The following CASZ1 variants were observed in gnomAD, a reference collection of about 807,000 sequenced individuals.
CASZ1 encodes the protein zinc finger protein castor homolog 1.
CASZ1 carries 28 observed loss-of-function variants against 135.2 expected under a neutral mutation model. That is an observed-to-expected ratio of 0.21 (90% CI 0.15 to 0.28). The LOEUF (loss-of-function observed/expected upper bound fraction) is 0.28. CASZ1 is among the 10% of genes least tolerant of loss of function. The probability of loss-of-function intolerance (pLI) is 1.00; values close to 1 mark genes in which losing one functional copy is unlikely to be tolerated. For synonymous variants in CASZ1, 1,068 were observed against 1,073.4 expected, an observed-to-expected ratio of 0.99 and a Z score of 0.10; for missense variants, 2,161 against 2,453.3, an observed-to-expected ratio of 0.88 and a Z score of 2.52.
At chr1:10,718,866 T>C (rs142973739) in intron 2 of CASZ1, among the ~76,000 whole-genome samples, 68 of 151,476 alleles carry the variant, frequency 4.5e-4, no homozygotes, top group African/African-American at 1.7e-3. Flanking sequence ...CTCTTTCTTT[T>C]TCTTTTCTTT....
In CASZ1 at chr1:10,719,710, G is replaced by A. The variant is rs529303532; in HGVS notation, c.-76-14166C>T. Among the ~76,000 whole-genome samples the A allele has an allele frequency of 1.1e-3, 168 of 152,328 alleles. No individual in the cohort carries two copies. Among genetic ancestry groups the A allele is most frequent in the African/African-American group, 3.9e-3 (164 of 41,562 alleles). On this transcript the variant is annotated intron_variant, in intron 2 of 20. Transcript: ENST00000377022. This position sits in a 1 kb window ranked among gnomAD's most constrained non-coding sequence, Gnocchi z 4.0. ...CTGAAGCCCGTGGGTCCCAGAGCCT[G>A]GCACAGTGAGAGAAGAGGCAGCAGG...
intron 20 of CASZ1, among the ~76,000 whole-genome samples, chr1:10,641,483 T>A (rs1298476700): frequency 6.7e-6 from 1 of 148,842 alleles, no homozygotes; most frequent in African/African-American, 2.5e-5. Context: ...GATATGGGGG[T>A]GGGATGGGAG....
intron 4 of CASZ1, among the ~76,000 whole-genome samples, chr1:10,688,616 G>A (rs533654967): frequency 1.6e-4 from 24 of 152,278 alleles, no homozygotes; most frequent in Non-Finnish European, 2.8e-4. Flanking sequence ...GCCAACACAG[G>A]GGCCCGGGCA....
rs1238169632 is a variant in CASZ1 at position 10,717,982 on chromosome 1, G to A, written c.-76-12438C>T. ...TGCAGGGACGGGCCGAGGGGGCTAC[G>A]GAGGCCCATTCAACACTGGGCAGAC... On this transcript the variant is annotated intron_variant, in intron 2 of 20. Coordinates refer to ENST00000377022, the MANE Select transcript of CASZ1 (RefSeq NM_001079843.3). The surrounding 1 kb of genome is among the most constrained non-coding windows in gnomAD (Gnocchi z 4.6). 2.0e-5 allele frequency among the ~76,000 whole-genome samples: 3 copies of A among 152,240 alleles called. No individual in the cohort carries two copies. Among genetic ancestry groups the A allele is most frequent in the East Asian group, 1.9e-4 (1 of 5,198 alleles).
Position 10,721,428 on chromosome 1 carries a change from G to C in CASZ1, c.-76-15884C>G, listed in dbSNP as rs185631376. Among the ~76,000 whole-genome samples, 3 of 152,266 alleles carry C rather than the reference G, an allele frequency of 2.0e-5. No individual in the cohort carries two copies. Among genetic ancestry groups the C allele is most frequent in the East Asian group, 3.9e-4 (2 of 5,182 alleles). ...GGATTTATTTGTGACATTCTGTCTGGGTGAGAGAAAACAAAAAAGGCCTGT... is the reference window on the plus strand; with the variant it reads ...GGATTTATTTGTGACATTCTGTCTGCGTGAGAGAAAACAAAAAAGGCCTGT... On this transcript the variant is annotated intron_variant, in intron 2 of 20. Coordinates refer to ENST00000377022, the MANE Select transcript of CASZ1 (RefSeq NM_001079843.3). The surrounding 1 kb of genome is among the most constrained non-coding windows in gnomAD (Gnocchi z 5.4).
rs761311758 is a variant in CASZ1, at chr1:10,642,958, C to A, written c.4063G>T (p.Asp1355Tyr). ...LMDAETDECM[D>Y]YTGCSPGAMS... ...GCGCCTGGGCTGCAGCCAGTGTAGT[C>A]CATGCACTCATCTGTCTCAGCATCC... The change falls in exon 20 of 21, where the codon GAC (aspartate) becomes TAC (tyrosine). Residue 1355 changes from aspartate to tyrosine, a missense_variant. By Grantham distance (160) the Asp-to-Tyr change is radical. Around this residue, in one of 7 missense-constraint regions of CASZ1, gnomAD observed 143 missense variants for 128.3 expected, o/e 1.11. Transcript: ENST00000377022. 8 of 1,613,000 alleles carry A rather than the reference C, an allele frequency of 5.0e-6. No individual in the cohort carries two copies. The highest frequency in any genetic ancestry group is 1.3e-5 in the African/African-American group (1 of 74,946).
In CASZ1 at chr1:10,636,691, T is replaced by C. The variant is rs1487553529; in HGVS notation, c.*2251A>G. On this transcript the variant is annotated 3_prime_UTR_variant, in exon 21 of 21. Transcript: ENST00000377022. ...AAAAAAATCAAATAAATAAAACACA[T>C]ATATTAAATTTCTAATAGCACTAAA... is the stretch of plus-strand genomic sequence containing the variant. The C allele has an allele frequency of 6.7e-6, 1 of 149,400 alleles. No homozygotes were observed. The highest frequency in any genetic ancestry group is 1.5e-5 in the Non-Finnish European group (1 of 67,506). The allele number at this position is 149,400 out of a possible 1,614,324, so 9.3% of individuals were successfully genotyped here. A position where few individuals can be genotyped will look rare whatever the true frequency, so the allele number is the denominator to read the frequency against.
chr1:10,740,753 A>G (rs1343928468), intron 2 of CASZ1, among the ~76,000 whole-genome samples: 1 of 152,198 alleles, frequency 6.6e-6, no homozygotes, highest in Non-Finnish European at 1.5e-5. Flanking sequence ...GTTCAAGACC[A>G]GCCTGGGCAA....
chr1:10,678,292 C>T (rs1025774438), intron 4 of CASZ1, among the ~76,000 whole-genome samples: 1 of 152,182 alleles, frequency 6.6e-6, no homozygotes, highest in South Asian at 2.1e-4. Context: ...ATTTTTAAAA[C>T]GGTGGCCCTG....
At chr1:10,745,787 G>A (rs1640028810) in intron 2 of CASZ1, among the ~76,000 whole-genome samples, 1 of 152,170 alleles carries the variant, frequency 6.6e-6, no homozygotes, top group Non-Finnish European at 1.5e-5. Flanking sequence ...GGCCCTACGG[G>A]TCTAGAAGAT....
At position 10,653,558 on chromosome 1, in the gene CASZ1, G is replaced by A. The variant is rs1050323301; in HGVS notation, c.2499C>T (p.Thr833=). 9 of 1,582,606 alleles carry A rather than the reference G, an allele frequency of 5.7e-6. No individual in the cohort carries two copies. Among genetic ancestry groups the A allele is most frequent in the Non-Finnish European group, 7.7e-6 (9 of 1,162,210 alleles). ...AVSSGSAASA[T]PDTPTLVASG... is the part of the protein sequence containing the mutation. ...AGGCGACCAGCGTGGGTGTGTCAGG[G>A]GTGGCTGAGGCTGCTGACCCAGACG... Residue 833 remains threonine, a synonymous_variant, in exon 11 of 21, where the codon ACC becomes ACT. Coordinates refer to ENST00000377022, the MANE Select transcript of CASZ1 (RefSeq NM_001079843.3).
intron 11 of CASZ1, 121 bp from the exon 12 acceptor site, chr1:10,651,197 G>GGGAGAAGCGCTGAC: frequency 8.5e-6 from 6 of 709,282 alleles, no homozygotes; most frequent in Non-Finnish European, 1.3e-5. Context: ...ACTGGTCAGC[G>GGGAGAAGCGCTGAC]CTTCTCCCGC....
rs146467781 is a variant in CASZ1, at chr1:10,660,905, C to T, written c.506-369G>A. The T allele has an allele frequency of 2.7e-3, 696 of 254,450 alleles. 8 individuals carry two copies. Among genetic ancestry groups the T allele is most frequent in the African/African-American group, 0.015 (656 of 44,046 alleles). 15.8% of individuals were successfully genotyped at this position (254,450 alleles called of 1,614,324 possible). On this transcript the variant is annotated intron_variant, in intron 5 of 20. Transcript: ENST00000377022. ...TACTGGAAGTAAGGCCAGATCCCAA[C>T]CTGCCTCCCAGGACAGGGAGCGGCA... is the stretch of plus-strand genomic sequence containing the variant.
intron 17 of CASZ1, among the ~76,000 whole-genome samples, 199 bp from the exon 18 acceptor site, chr1:10,645,287 T>C (rs1367346363): frequency 6.6e-6 from 1 of 152,058 alleles, no homozygotes; most frequent in East Asian, 1.9e-4. Flanking sequence ...TCCCAGCGCT[T>C]TGGGAGGCCG....
chr1:10,649,489 A>T (rs1642489240), intron 13 of CASZ1, 52 bp from the exon 14 acceptor site: 1 of 1,544,198 alleles, frequency 6.5e-7, no homozygotes, highest in Non-Finnish European at 8.8e-7. Flanking sequence ...GAACACAGAC[A>T]CGGCAGCCTG....
chr1:10,652,395 T>G (rs549466835), intron 11 of CASZ1: 1 of 152,422 alleles, frequency 6.6e-6, no homozygotes, highest in African/African-American at 2.4e-5. Context: ...CCGCCTGCTG[T>G]GTCCCCAGCA....
chr1:10,672,567 T>C (rs1456880981), intron 4 of CASZ1, among the ~76,000 whole-genome samples: 2 of 151,216 alleles, frequency 1.3e-5, no homozygotes, highest in Admixed American at 6.6e-5. Context: ...ACATTATCAG[T>C]TGCCATGGAG....
At chr1:10,780,329 C>T (rs527717745) in intron 1 of CASZ1, among the ~76,000 whole-genome samples, 28 of 152,298 alleles carry the variant, frequency 1.8e-4, no homozygotes, top group African/African-American at 6.7e-4. Context: ...GCAAAAGCTA[C>T]CCAGGAGAGA....
In CASZ1 at chr1:10,638,475, C is replaced by G. The variant is rs1039479599; in HGVS notation, c.*467G>C. 2 of 152,068 alleles carry G rather than the reference C, an allele frequency of 1.3e-5. No individual in the cohort carries two copies. The highest frequency in any genetic ancestry group is 1.3e-4 in the Admixed American group (2 of 15,286). The allele number at this position is 152,068 out of a possible 1,614,324, so 9.4% of individuals were successfully genotyped here. A position where few individuals can be genotyped will look rare whatever the true frequency, so the allele number is the denominator to read the frequency against. On this transcript the variant is annotated 3_prime_UTR_variant, in exon 21 of 21. Coordinates refer to ENST00000377022, the MANE Select transcript of CASZ1 (RefSeq NM_001079843.3). This position sits in a 1 kb window ranked among gnomAD's most constrained non-coding sequence, Gnocchi z 5.9. ...GCTGACTGCCTTCTGCCCGTCTCCC[C>G]CTGGGCAGGGGGGAGGATCCTAGCT...
Sources: gnomAD v4.1 joint callset for allele counts (sites outside exome capture counted in the v4.1 genomes callset) on GRCh38, gnomAD v4.1.1 for gene constraint, gnomAD v4.1.1 regional missense constraint, Gnocchi (gnomAD v3.1) non-coding constraint, MANE v1.5 for transcripts, NCBI Gene and HGNC (gene_info 2026-07-23, HGNC 2026-07-21) for gene names.